SIK3: variants seen among roughly 807,000 people sequenced by gnomAD.
SIK3 encodes serine/threonine-protein kinase SIK3.
In SIK3, 28 loss-of-function variants were observed where a neutral mutation model predicts 144.2. That is an observed-to-expected ratio of 0.19 (90% CI 0.14 to 0.27). The LOEUF (loss-of-function observed/expected upper bound fraction) is 0.27. Ranked by LOEUF, SIK3 falls within the 10% of genes least tolerant of loss-of-function variation. SIK3 has a pLI of 1.00. For synonymous variants in SIK3, 686 were observed against 676.3 expected (o/e 1.01, Z -0.22); for missense variants, 1,319 against 1,776.0 (o/e 0.74, Z 4.62).
At position 117,098,421 on chromosome 11, in the gene SIK3, T is replaced by G; in HGVS notation, c.-6A>C. 8.8e-7 allele frequency: 1 copy of G among 1,135,800 alleles called. No homozygotes were observed. The allele number at this position is 1,135,800 out of a possible 1,614,324, so 70.4% of individuals were successfully genotyped here. On this transcript the variant is annotated 5_prime_UTR_variant, in exon 1 of 25. Coordinates refer to ENST00000445177, the MANE Select transcript of SIK3 (RefSeq NM_001366686.3). ...CTCGCCGCCGCCGCCGCCATCTTGTTGTGCAGTGAAACCTCCGGGGCCGCG... is the reference window on the plus strand; with the variant it reads ...CTCGCCGCCGCCGCCGCCATCTTGTGGTGCAGTGAAACCTCCGGGGCCGCG...
chr11:116,896,118 G>T, intron 6 of SIK3, 135 bp downstream of exon 6: 1 of 1,206,810 alleles, frequency 8.3e-7, no homozygotes, highest in Non-Finnish European at 1.2e-6. Flanking sequence ...CCTCCTGGAG[G>T]CATCAGGTCA....
intron 1 of SIK3, among the ~76,000 whole-genome samples, chr11:117,018,779 T>C (rs971627601): frequency 6.6e-6 from 1 of 151,980 alleles, no homozygotes; most frequent in African/African-American, 2.4e-5. Context: ...GTAGTGCATC[T>C]CAACTCACTG....
At chr11:116,948,220 G>C (rs1279279083) in intron 3 of SIK3, among the ~76,000 whole-genome samples, 2 of 152,038 alleles carry the variant, frequency 1.3e-5, no homozygotes, top group Non-Finnish European at 2.9e-5. Flanking sequence ...TTATAGGCAT[G>C]AGCCACCAAG....
At chr11:117,056,487 C>A (rs182949029) in intron 1 of SIK3, among the ~76,000 whole-genome samples, 1 of 150,398 alleles carries the variant, frequency 6.6e-6, no homozygotes, top group East Asian at 2.0e-4. Context: ...AACAAACCTG[C>A]ACATTGTGCA....
Position 116,858,658 on chromosome 11 carries a change from G to A in SIK3, c.2807C>T (p.Ala936Val), listed in dbSNP as rs1048898943. ...CGAAAACAGATGGGGGTGTAAATGC[G>A]CCTGGTCGTAGTTAGCAGGGGAGAA... is the stretch of plus-strand genomic sequence containing the variant. The part of the protein sequence containing the change: ...NRFSPANYDQ[A>V]HLHPHLFSDQ... The change falls in exon 21 of 25, where the codon GCG becomes GTG. Residue 936 changes from alanine (A) to valine (V), a missense_variant. By Grantham distance (64) the Ala-to-Val change is moderately conservative (BLOSUM62 0). This residue lies in a region of SIK3 where 646 missense variants were observed against 763.7 expected (regional missense o/e 0.85). Coordinates refer to ENST00000445177, the MANE Select transcript of SIK3 (RefSeq NM_001366686.3). This position sits in a 1 kb window ranked among gnomAD's most constrained non-coding sequence, Gnocchi z 5.4. 1.1e-5 allele frequency: 18 copies of A among 1,573,782 alleles called. No homozygotes were observed. The highest frequency in any genetic ancestry group is 4.5e-5 in the East Asian group (2 of 44,524).
chr11:117,037,758 GAA>G (rs1952575883), intron 1 of SIK3, among the ~76,000 whole-genome samples: 1 of 151,160 alleles, frequency 6.6e-6, no homozygotes, highest in Non-Finnish European at 1.5e-5. Context: ...TTCCAAGGCA[GAA>G]AAAAAGAGAT....
intron 4 of SIK3, among the ~76,000 whole-genome samples, chr11:116,907,125 G>A (rs1471654705): frequency 6.6e-6 from 1 of 152,166 alleles, no homozygotes; most frequent in African/African-American, 2.4e-5. Context: ...ACAGCACCTT[G>A]TATTTATTAC....
rs111821276 is a variant in SIK3 at position 116,848,919 on chromosome 11, C to T, written c.3819+201G>A. Reference sequence around the variant, plus strand: ...TAGAAGTTGCAGTGAGCTGATATCGCGCCACTGTCCTCCCGCCTGGGCGAC... The same window carrying T: ...TAGAAGTTGCAGTGAGCTGATATCGTGCCACTGTCCTCCCGCCTGGGCGAC... On this transcript the variant is annotated intron_variant, in intron 22 of 24. Coordinates refer to ENST00000445177, the MANE Select transcript of SIK3 (RefSeq NM_001366686.3). 6.6e-3 allele frequency among the ~76,000 whole-genome samples: 1,007 copies of T among 152,246 alleles called. 14 individuals are homozygous for T. The highest frequency in any genetic ancestry group is 0.023 in the African/African-American group (959 of 41,542).
rs549217651 is a variant in SIK3 at position 116,846,127 on chromosome 11, G to A, written c.*13+256C>T. Among the ~76,000 whole-genome samples, 5 of 152,322 alleles carry A rather than the reference G, an allele frequency of 3.3e-5. No homozygotes were observed. The highest frequency in any genetic ancestry group is 2.1e-4 in the South Asian group (1 of 4,826). On this transcript the variant is annotated intron_variant, in intron 24 of 24. Transcript: ENST00000445177. This position sits in a 1 kb window ranked among gnomAD's most constrained non-coding sequence, Gnocchi z 4.1. ...GGCTAGAGCACCTGTAACACACGGC[G>A]AGTCTTGTGTCTTATTCCCATAACC...
At chr11:117,066,394 C>T (rs1369925559) in intron 1 of SIK3, among the ~76,000 whole-genome samples, 1 of 149,714 alleles carries the variant, frequency 6.7e-6, no homozygotes, top group African/African-American at 2.5e-5. Context: ...CTTCAAAAGA[C>T]ACTGCTGAAA....
intron 3 of SIK3, chr11:116,950,290 G>C: frequency 2.7e-6 from 1 of 365,610 alleles, no homozygotes; most frequent in Non-Finnish European, 5.6e-6. Context: ...ATGCTGGAGA[G>C]AATTGAGGAG....
chr11:116,944,940 G>A (rs1394571143), intron 3 of SIK3, among the ~76,000 whole-genome samples: 1 of 151,968 alleles, frequency 6.6e-6, no homozygotes, highest in African/African-American at 2.4e-5. Flanking sequence ...CAGTTCCTCA[G>A]GGGCACTAGC....
rs1275540257 is a variant in SIK3, at chr11:116,857,989, C to T, written c.3476G>A (p.Ser1159Asn). 6.2e-7 allele frequency: 1 copy of T among 1,614,218 alleles called. No homozygotes were observed. Among genetic ancestry groups the T allele is most frequent in the Admixed American group, 1.7e-5 (1 of 60,028 alleles). Residue 1159 changes from serine to asparagine, a missense_variant, in exon 21 of 25, where the codon AGT (serine) becomes AAT (asparagine). Ser to Asn is a conservative substitution (Grantham distance 46). Coordinates refer to ENST00000445177, the MANE Select transcript of SIK3 (RefSeq NM_001366686.3). ...TTTGGTCAATGTACTTGAACTCTTA[C>T]TGTCTTGGAAGCCATCCTTGGCCCC... is the stretch of plus-strand genomic sequence containing the variant. ...CEGAKDGFQD[S>N]KSSSTLTKGC...
At chr11:117,021,659 A>G (rs2135742240) in intron 1 of SIK3, among the ~76,000 whole-genome samples, 1 of 152,158 alleles carries the variant, frequency 6.6e-6, no homozygotes, top group Non-Finnish European at 1.5e-5. Context: ...TTTGTCAACC[A>G]TTATCAAAAA....
At position 117,098,284 on chromosome 11, in the gene SIK3, C is replaced by T. The variant is rs1378392616; in HGVS notation, c.132G>A (p.Ala44=). The T allele has an allele frequency of 8.3e-6, 11 of 1,329,172 alleles. No homozygotes were observed. The highest frequency in any genetic ancestry group is 1.6e-5 in the South Asian group (1 of 61,750). The allele number at this position is 1,329,172 out of a possible 1,614,324, so 82.3% of individuals were successfully genotyped here. ...GGGCTGGGGGACGCGGCTGGCCGGC[C>T]GCAGGGGACACGGCAGCGGGGGCGG... ...SPAAPAAVSP[A]AGQPRPPAPA... is the part of the protein sequence containing the mutation. Residue 44 remains alanine, a synonymous_variant, in exon 1 of 25, where the codon GCG becomes GCA. Coordinates refer to ENST00000445177, the MANE Select transcript of SIK3 (RefSeq NM_001366686.3).
At chr11:116,881,499 A>G (rs1391176443) in intron 6 of SIK3, among the ~76,000 whole-genome samples, 1 of 151,922 alleles carries the variant, frequency 6.6e-6, no homozygotes, top group African/African-American at 2.4e-5. Flanking sequence ...AATTAAGTTG[A>G]CATAGCCAGT....
At chr11:116,933,767 G>A (rs1947755418) in intron 3 of SIK3, among the ~76,000 whole-genome samples, 3 of 152,054 alleles carry the variant, frequency 2.0e-5, no homozygotes, top group Admixed American at 2.0e-4. Flanking sequence ...TTTCTATGTA[G>A]CAGGGTAATT....
intron 1 of SIK3, among the ~76,000 whole-genome samples, chr11:116,997,234 C>T (rs1011856566): frequency 6.6e-6 from 1 of 152,182 alleles, no homozygotes; most frequent in African/African-American, 2.4e-5. Flanking sequence ...TCAATCCATG[C>T]GCACAAGCAG....
At chr11:117,086,726 A>G (rs1294397645) in intron 1 of SIK3, among the ~76,000 whole-genome samples, 4 of 149,484 alleles carry the variant, frequency 2.7e-5, no homozygotes, top group Non-Finnish European at 5.9e-5. Flanking sequence ...GCAAGGTGCA[A>G]TGGCTCACTC....
Sources: gnomAD v4.1 joint callset for allele counts (sites outside exome capture counted in the v4.1 genomes callset) on GRCh38, gnomAD v4.1.1 for gene constraint, gnomAD v4.1.1 regional missense constraint, Gnocchi (gnomAD v3.1) non-coding constraint, MANE v1.5 for transcripts, NCBI Gene and HGNC (gene_info 2026-07-23, HGNC 2026-07-21) for gene names.